The following PPP1R1C variants were observed in gnomAD, a reference collection of about 807,000 sequenced individuals.
PPP1R1C encodes protein phosphatase 1 regulatory subunit 1C.
Under a neutral mutation model 17.4 loss-of-function variants are expected in PPP1R1C, and 15 were observed. The observed-to-expected ratio is 0.86, with a 90% CI of 0.58 to 1.33. The LOEUF is 1.33. PPP1R1C is among the 40% of genes most tolerant of loss of function. The probability of loss-of-function intolerance (pLI) is 0.00; values close to 1 mark genes in which losing one functional copy is unlikely to be tolerated. For missense variants in PPP1R1C, 143 were observed against 130.0 expected (o/e 1.10, Z -0.48); for synonymous variants, 35 against 43.1 (o/e 0.81, Z 0.73).
At chr2:182,025,930 G>T (rs918233545) in intron 2 of PPP1R1C, among the ~76,000 whole-genome samples, 2 of 145,770 alleles carry the variant, frequency 1.4e-5, no homozygotes, top group Admixed American at 6.7e-5. Context: ...ATCTCATTGT[G>T]GTTTTGATTT....
At chr2:182,026,077 T>G (rs1334835202) in intron 2 of PPP1R1C, among the ~76,000 whole-genome samples, 12 of 105,294 alleles carry the variant, frequency 1.1e-4, no homozygotes, top group Non-Finnish European at 1.9e-4. Flanking sequence ...TCTTGTAAAT[T>G]TGTTTGAGTT....
chr2:182,053,370 C>T (rs1651486568), intron 2 of PPP1R1C, among the ~76,000 whole-genome samples: 1 of 152,056 alleles, frequency 6.6e-6, no homozygotes, highest in African/African-American at 2.4e-5. Context: ...TGATCTTATT[C>T]ATTGATAAAA....
intron 1 of PPP1R1C, among the ~76,000 whole-genome samples, chr2:181,958,574 G>A (rs998591705): frequency 1.2e-4 from 18 of 152,238 alleles, no homozygotes; most frequent in Non-Finnish European, 2.6e-4. Context: ...TTGGGCAGTG[G>A]GTCCTTCTTC....
chr2:182,048,786 A>G (rs1455432517), intron 2 of PPP1R1C: 1 of 152,150 alleles, frequency 6.6e-6, no homozygotes, highest in African/African-American at 2.4e-5. Flanking sequence ...GGTCGCTGTA[A>G]AGAAAGAGAT....
chr2:182,099,238 G>A (rs972006260), intron 4 of PPP1R1C, among the ~76,000 whole-genome samples: 5 of 152,186 alleles, frequency 3.3e-5, no homozygotes, highest in African/African-American at 1.2e-4. Context: ...AGTAGCAGTA[G>A]TACTTCCCAG....
intron 4 of PPP1R1C, among the ~76,000 whole-genome samples, chr2:182,068,271 G>T (rs968988633): frequency 6.6e-6 from 1 of 152,110 alleles, no homozygotes; most frequent in African/African-American, 2.4e-5. Flanking sequence ...TAAAGAAAAT[G>T]CTTAGATCAG....
upstream of PPP1R1C, among the ~76,000 whole-genome samples, chr2:181,982,040 T>C (rs145447411): frequency 0.017 from 2,653 of 152,282 alleles, 23 homozygotes; most frequent in Middle Eastern, 0.044. Flanking sequence ...CTGCATAACT[T>C]TCAAGATTCA....
intron 1 of PPP1R1C, among the ~76,000 whole-genome samples, chr2:181,965,567 A>G (rs1684891059): frequency 6.6e-6 from 1 of 152,032 alleles, no homozygotes; most frequent in Non-Finnish European, 1.5e-5. Context: ...CTTTTCCTCA[A>G]TGTATGTTCT....
rs936647794 is a variant in PPP1R1C at position 182,117,450 on chromosome 2, G to T, written c.*155G>T. 2.7e-5 allele frequency: 15 copies of T among 565,500 alleles called. No homozygotes were observed. The highest frequency in any genetic ancestry group is 4.4e-5 in the Non-Finnish European group (14 of 317,838). The allele number at this position is 565,500 out of a possible 1,614,324, so 35.0% of individuals were successfully genotyped here. On this transcript the variant is annotated 3_prime_UTR_variant, in exon 5 of 5. Transcript: ENST00000682840. ...CTATGCACATCCTGGAAGTCTCCTT[G>T]ACTGAACTTTAGAACTAAGTACACA...
rs1684682112 is a variant in PPP1R1C, at chr2:181,957,090, T to C, written n.111+2456T>C. Among the ~76,000 whole-genome samples the C allele has an allele frequency of 1.3e-5, 2 of 152,210 alleles. No homozygotes were observed. The highest frequency in any genetic ancestry group is 6.5e-5 in the Admixed American group (1 of 15,278). On this transcript the variant is annotated intron_variant and non_coding_transcript_variant, in intron 1 of 5. Transcript: ENST00000464264. This position sits in a 1 kb window ranked among gnomAD's most constrained non-coding sequence, Gnocchi z 4.2. ...TTGTGCTAACTCAGGCCAGGTGCAG[T>C]GGTTCACGCCTGTAATCTCACCACT...
intron 2 of PPP1R1C, among the ~76,000 whole-genome samples, chr2:182,017,148 T>G (rs1290336041): frequency 6.6e-6 from 1 of 152,160 alleles, no homozygotes; most frequent in East Asian, 1.9e-4. Context: ...ACTATATCTT[T>G]AGTGCATTTA....
intron 4 of PPP1R1C, among the ~76,000 whole-genome samples, chr2:182,106,131 G>C (rs1413960090): frequency 6.6e-6 from 1 of 152,104 alleles, no homozygotes; most frequent in Non-Finnish European, 1.5e-5. Flanking sequence ...CCTTTTTTAA[G>C]GATACAATTG....
chr2:182,075,198 T>C (rs1174836199), intron 4 of PPP1R1C, among the ~76,000 whole-genome samples: 1 of 152,256 alleles, frequency 6.6e-6, no homozygotes, highest in African/African-American at 2.4e-5. Context: ...TTATTCTTTT[T>C]TATGTATAAA....
At chr2:181,978,698 G>C (rs112180765) in intron 2 of PPP1R1C, among the ~76,000 whole-genome samples, 1,955 of 152,184 alleles carry the variant, frequency 0.013, 56 homozygotes, top group African/African-American at 0.043. Flanking sequence ...ACCAGCCTCA[G>C]TAGTCAGGAA....
chr2:182,102,738 A>G (rs368425015), intron 4 of PPP1R1C, among the ~76,000 whole-genome samples: 2 of 152,320 alleles, frequency 1.3e-5, no homozygotes, highest in East Asian at 3.9e-4. Context: ...TGTAAATGTA[A>G]TATATGTATG....
At chr2:182,036,299 G>A (rs1379887091) in intron 2 of PPP1R1C, among the ~76,000 whole-genome samples, 1 of 152,108 alleles carries the variant, frequency 6.6e-6, no homozygotes, top group Admixed American at 6.5e-5. Context: ...GCCTGTAAAT[G>A]GAGGCTGATA....
At chr2:182,086,512 A>C (rs1380656425) in intron 4 of PPP1R1C, among the ~76,000 whole-genome samples, 3 of 152,204 alleles carry the variant, frequency 2.0e-5, no homozygotes, top group Non-Finnish European at 4.4e-5. Flanking sequence ...TGCATTTATG[A>C]ATCTGTTATA....
rs568437567 is a variant in PPP1R1C, at chr2:181,986,102, A to C, written c.-9A>C. The C allele has an allele frequency of 7.7e-5, 124 of 1,611,458 alleles. 2 individuals are homozygous for C. The South Asian group carries it at 9.2e-4, about 12-fold the overall frequency. ...CTCTTCACATCTCTGACTAATTATCATCATTACCATGGAGCCCAACAGTCC... is the reference window on the plus strand; with the variant it reads ...CTCTTCACATCTCTGACTAATTATCCTCATTACCATGGAGCCCAACAGTCC... On this transcript the variant is annotated 5_prime_UTR_variant, in exon 1 of 5. Coordinates refer to ENST00000682840, the MANE Select transcript of PPP1R1C (RefSeq NM_001080545.3).
chr2:182,013,142 T>A (rs1314567845), intron 2 of PPP1R1C, among the ~76,000 whole-genome samples: 5 of 152,174 alleles, frequency 3.3e-5, no homozygotes, highest in African/African-American at 1.2e-4. Context: ...TCAGATGATT[T>A]CTTATTGCTC....
Sources: allele counts gnomAD v4.1 joint callset (sites outside exome capture counted in the v4.1 genomes callset), GRCh38; gene constraint gnomAD v4.1.1; non-coding constraint Gnocchi (gnomAD v3.1); transcripts MANE v1.5; gene names NCBI Gene and HGNC (gene_info 2026-07-23, HGNC 2026-07-21).